KIF3C: variants seen among roughly 807,000 people sequenced by gnomAD.
KIF3C encodes the protein kinesin family member 3C, also known as kinesin-like protein KIF3C.
KIF3C carries 12 observed loss-of-function variants against 67.7 expected under a neutral mutation model. The observed-to-expected ratio is 0.18, with a 90% confidence interval of 0.11 to 0.29. The LOEUF (loss-of-function observed/expected upper bound fraction) is 0.29. KIF3C is among the 10% of genes least tolerant of loss of function. The pLI is 1.00. For missense variants in KIF3C, 789 were observed against 1,059.6 expected (o/e 0.74, Z 3.55); for synonymous variants, 393 against 426.2 (o/e 0.92, Z 0.96).
At chr2:25,942,156 G>A (rs948384809) in intron 5 of KIF3C, among the ~76,000 whole-genome samples, 4 of 151,718 alleles carry the variant, frequency 2.6e-5, no homozygotes, top group Admixed American at 1.3e-4. Context: ...TCAGGAGTTC[G>A]AGACCAGCCT....
chr2:25,932,088 G>T (rs375650124), intron 5 of KIF3C, among the ~76,000 whole-genome samples: 1 of 141,868 alleles, frequency 7.0e-6, no homozygotes, highest in Admixed American at 7.5e-5. Context: ...TGCAACTTCC[G>T]ACCCCCTGGT....
rs1468178985 is a variant in KIF3C at position 25,945,188 on chromosome 2, G to A, written c.2006+6601C>T. ...CAATTGGTATTCATTTAGAAGAGTT[G>A]CCAACACAAACTTACAAATGCAAAG... On this transcript the variant is annotated intron_variant, in intron 5 of 7. Transcript: ENST00000264712. Among the ~76,000 whole-genome samples the A allele has an allele frequency of 2.0e-5, 3 of 152,000 alleles. No homozygotes were observed. In the East Asian group the frequency reaches 5.8e-4, roughly 29 times the overall value.
chr2:25,942,123 C>T (rs761844998), intron 5 of KIF3C, among the ~76,000 whole-genome samples: 7 of 151,848 alleles, frequency 4.6e-5, no homozygotes, highest in African/African-American at 7.3e-5. Context: ...TTTGGGATGC[C>T]GAGACAGGCG....
chr2:25,953,183 C>T (rs868441884), intron 4 of KIF3C, among the ~76,000 whole-genome samples: 4 of 150,912 alleles, frequency 2.7e-5, no homozygotes, highest in East Asian at 2.0e-4. Flanking sequence ...GCAGGAGGAC[C>T]GCTTGAACTT....
At chr2:25,946,235 C>T (rs1302490512) in intron 5 of KIF3C, among the ~76,000 whole-genome samples, 2 of 152,184 alleles carry the variant, frequency 1.3e-5, no homozygotes, top group Non-Finnish European at 2.9e-5. Flanking sequence ...TTTCCCTGCT[C>T]AAGGACAGTG....
Position 25,927,610 on chromosome 2 carries a change from G to C in KIF3C, c.*1368C>G, listed in dbSNP as rs2090422734. 1 of 152,060 alleles carries C rather than the reference G, an allele frequency of 6.6e-6. No homozygotes were observed. Among genetic ancestry groups the C allele is most frequent in the African/African-American group, 2.4e-5 (1 of 41,466 alleles). 9.4% of individuals were successfully genotyped at this position (152,060 alleles called of 1,614,324 possible). A position where few individuals can be genotyped will look rare whatever the true frequency, so the allele number is the denominator to read the frequency against. On this transcript the variant is annotated 3_prime_UTR_variant, in exon 8 of 8. Transcript: ENST00000264712. ...CACACCCCCCATTTCAGGCAGATCT[G>C]TCAGTCTCATGGTTTCACCCCAACG...
Position 25,930,041 on chromosome 2 carries a change from G to A in KIF3C, c.2029C>T (p.Arg677Trp). ...AGVSSSQMKKRPTSAVGYKRP... is the reference protein window; with the variant it reads ...AGVSSSQMKKWPTSAVGYKRP... Reference sequence around the variant, plus strand: ...TTGTAGCCCACTGCAGATGTTGGCCGCTTCTTCATCTGGCTGCTACTGCTG... The same window carrying A: ...TTGTAGCCCACTGCAGATGTTGGCCACTTCTTCATCTGGCTGCTACTGCTG... The change falls in exon 6 of 8, where the codon CGG becomes TGG. Residue 677 changes from arginine to tryptophan, a missense_variant. Around this residue, in one of 2 missense-constraint regions of KIF3C, gnomAD observed 648 missense variants for 807.8 expected, o/e 0.80. Transcript: ENST00000264712. The A allele has an allele frequency of 6.2e-7, 1 of 1,613,912 alleles. No homozygotes were observed. Among genetic ancestry groups the A allele is most frequent in the Non-Finnish European group, 8.5e-7 (1 of 1,179,812 alleles).
intron 5 of KIF3C, among the ~76,000 whole-genome samples, chr2:25,933,594 G>A (rs1265903063): frequency 6.6e-6 from 1 of 151,806 alleles, no homozygotes; most frequent in Non-Finnish European, 1.5e-5. Flanking sequence ...AGGATCACCT[G>A]AGCCTGGGAG....
At chr2:25,962,801 T>A (rs1441387116) in intron 1 of KIF3C, among the ~76,000 whole-genome samples, 1 of 91,702 alleles carries the variant, frequency 1.1e-5, no homozygotes, top group African/African-American at 4.8e-5. Context: ...ATATATTATA[T>A]AATATATAAT....
chr2:25,981,712 T>C lies in KIF3C; in HGVS notation c.206A>G (p.Lys69Arg), dbSNP rs759165910. The change falls in exon 1 of 8, where the codon AAG becomes AGG. Residue 69 changes from lysine to arginine, a missense_variant. Physicochemically the swap from Lys to Arg is conservative, Grantham distance 26. Around this residue, in one of 2 missense-constraint regions of KIF3C, gnomAD observed 141 missense variants for 251.8 expected, o/e 0.56. Transcript: ENST00000264712. The surrounding 1 kb of genome is among the most constrained non-coding windows in gnomAD (Gnocchi z 8.2). ...TFDAVYDASS[K>R]QADLYDETVR... ...GGTTTCGTCATACAGGTCGGCCTGC[T>C]TGGAGCTGGCATCATACACGGCGTC... is the stretch of plus-strand genomic sequence containing the variant. 1.9e-6 allele frequency: 3 copies of C among 1,613,730 alleles called. No individual in the cohort carries two copies. The East Asian group carries it at 6.7e-5, about 36-fold the overall frequency.
intron 1 of KIF3C, among the ~76,000 whole-genome samples, chr2:25,957,988 C>CAG (rs1426356425): frequency 6.6e-6 from 1 of 152,206 alleles, no homozygotes; most frequent in Non-Finnish European, 1.5e-5. Flanking sequence ...CTTCACACTC[C>CAG]AGGTCAGCAT....
intron 5 of KIF3C, among the ~76,000 whole-genome samples, chr2:25,936,012 G>A (rs1263837243): frequency 1.3e-5 from 2 of 151,788 alleles, no homozygotes; most frequent in Admixed American, 6.6e-5. Context: ...GCTTGAACCC[G>A]GGAGGCGGAG....
chr2:25,952,793 G>C (rs1000125946), intron 4 of KIF3C, among the ~76,000 whole-genome samples: 5 of 151,716 alleles, frequency 3.3e-5, no homozygotes, highest in African/African-American at 1.2e-4. Flanking sequence ...CCCGACCTCA[G>C]GTGATCCACC....
At chr2:25,963,548 AG>A (rs1325863894) in intron 1 of KIF3C, among the ~76,000 whole-genome samples, 1 of 151,584 alleles carries the variant, frequency 6.6e-6, no homozygotes, top group Non-Finnish European at 1.5e-5. Context: ...AAGAGGACAA[AG>A]GGTTATAAAC....
At chr2:25,945,784 T>C (rs1369745611) in intron 5 of KIF3C, among the ~76,000 whole-genome samples, 3 of 151,240 alleles carry the variant, frequency 2.0e-5, no homozygotes, top group African/African-American at 7.4e-5. Flanking sequence ...AGCAAAATAA[T>C]ACAACTTAAC....
intron 5 of KIF3C, among the ~76,000 whole-genome samples, chr2:25,949,410 C>CA (rs1348175983): frequency 2.0e-5 from 3 of 150,790 alleles, no homozygotes; most frequent in Non-Finnish European, 4.4e-5. Flanking sequence ...CCTGTCTCTA[C>CA]AAAAAATACC....
chr2:25,957,753 G>A (rs1281071917), intron 1 of KIF3C, among the ~76,000 whole-genome samples: 1 of 152,162 alleles, frequency 6.6e-6, no homozygotes, highest in Non-Finnish European at 1.5e-5. Context: ...GGAATGGGCT[G>A]TGTGAGGCTT....
chr2:25,933,618 T>C (rs577262294), intron 5 of KIF3C, among the ~76,000 whole-genome samples: 3 of 151,398 alleles, frequency 2.0e-5, no homozygotes, highest in Non-Finnish European at 4.4e-5. Context: ...AAGGCTGCAG[T>C]GAGCCGTGAT....
Position 25,956,462 on chromosome 2 carries a change from TTGGGA to T in KIF3C, c.1546-23_1546-19del. The stretch of plus-strand genomic sequence containing the variant: ...TCCATGGCCTGGGGACACAGAGGGG[TTGGGA>T]GGTGGGCTTTGCAAAGGGTCCACAA... On this transcript the variant is annotated intron_variant, in intron 1 of 7. Transcript: ENST00000264712. 6.2e-7 allele frequency: 1 copy of T among 1,600,250 alleles called. No homozygotes were observed. The highest frequency in any genetic ancestry group is 8.6e-7 in the Non-Finnish European group (1 of 1,168,190).
Sources: allele counts gnomAD v4.1 joint callset (sites outside exome capture counted in the v4.1 genomes callset), GRCh38; gene constraint gnomAD v4.1.1; regional missense constraint gnomAD v4.1.1; non-coding constraint Gnocchi (gnomAD v3.1); transcripts MANE v1.5; gene names NCBI Gene and HGNC (gene_info 2026-07-23, HGNC 2026-07-21).